Variants in DNAH8 observed in about 807,000 individuals in gnomAD.
The protein encoded by DNAH8 is axonemal beta dynein heavy chain 8.
A neutral mutation model predicts 562.1 loss-of-function variants in DNAH8; 382 were observed. The ratio of observed to expected loss-of-function variants is 0.68; its 90% CI spans 0.63 to 0.74. The LOEUF (loss-of-function observed/expected upper bound fraction) is 0.74, where lower values mean the gene tolerates loss of function less well. DNAH8 is among the 30% of genes least tolerant of loss of function. DNAH8 has a pLI of 0.00. For synonymous variants in DNAH8, 1,881 were observed against 1,919.4 expected, an observed-to-expected ratio of 0.98 and a Z score of 0.52; for missense variants, 5,203 against 5,620.4, an observed-to-expected ratio of 0.93 and a Z score of 2.37.
chr6:38,784,370 G>T (rs1768939174), intron 17 of DNAH8, among the ~76,000 whole-genome samples: 1 of 152,072 alleles, frequency 6.6e-6, no homozygotes, highest in African/African-American at 2.4e-5. Flanking sequence ...TTTTTCTCCT[G>T]GTGGTTTTTC....
At chr6:39,016,821 C>T (rs974093577) in intron 91 of DNAH8, among the ~76,000 whole-genome samples, 1 of 152,150 alleles carries the variant, frequency 6.6e-6, no homozygotes, top group African/African-American at 2.4e-5. Context: ...CTTTGAGGTC[C>T]GTGCTACCTC....
At chr6:38,726,147 T>G (rs970239932) in intron 3 of DNAH8, among the ~76,000 whole-genome samples, 4 of 152,208 alleles carry the variant, frequency 2.6e-5, no homozygotes, top group African/African-American at 7.2e-5. Flanking sequence ...GGAAGCCAGA[T>G]GAGTGATCAA....
At chr6:38,923,952 G>T in intron 72 of DNAH8, 39 bp from the exon 73 acceptor site, 1 of 1,608,608 alleles carries the variant, frequency 6.2e-7, no homozygotes, top group South Asian at 1.1e-5. Context: ...AATGTCAGGT[G>T]ACTCACTTTG....
intron 87 of DNAH8, among the ~76,000 whole-genome samples, chr6:38,987,779 T>C: frequency 6.6e-6 from 1 of 152,184 alleles, no homozygotes; most frequent in East Asian, 1.9e-4. Flanking sequence ...TCCAACCTCC[T>C]GTCTTGTTGC....
At chr6:38,752,320 T>C (rs1765536435) in intron 9 of DNAH8, among the ~76,000 whole-genome samples, 2 of 152,274 alleles carry the variant, frequency 1.3e-5, no homozygotes, top group East Asian at 1.9e-4. Flanking sequence ...CATGCCACCA[T>C]GCCCGGCTAA....
rs1021375679 is a variant in DNAH8 at position 38,883,539 on chromosome 6, A to T, written c.8136+83A>T. ...ACAATAAAATGTGTACGCATATAAA[A>T]TGTGAAAATATTATATATTCAAAAG... On this transcript the variant is annotated intron_variant, in intron 55 of 92. Transcript: ENST00000327475. The T allele has an allele frequency of 4.5e-6, 6 of 1,341,068 alleles. No homozygotes were observed. In the African/African-American group the frequency reaches 9.0e-5, roughly 20 times the overall value. The allele number at this position is 1,341,068 out of a possible 1,614,324, so 83.1% of individuals were successfully genotyped here.
chr6:38,812,815 G>A (rs1238916397), intron 24 of DNAH8, among the ~76,000 whole-genome samples: 1 of 152,018 alleles, frequency 6.6e-6, no homozygotes, highest in Non-Finnish European at 1.5e-5. Context: ...TTCACGTGCC[G>A]TATCTAGGTA....
chr6:38,741,679 T>C, intron 7 of DNAH8, 32 bp from the exon 8 acceptor site: 2 of 1,538,818 alleles, frequency 1.3e-6, no homozygotes, highest in Non-Finnish European at 1.8e-6. Context: ...GAATGTAACA[T>C]TTCTATATTT....
chr6:39,028,054 C>T (rs1365824935), intron 92 of DNAH8, among the ~76,000 whole-genome samples: 2 of 152,130 alleles, frequency 1.3e-5, no homozygotes, highest in African/African-American at 4.8e-5. Flanking sequence ...CCTTCAGTTT[C>T]CAGTATTATC....
chr6:38,758,238 C>T (rs1363399932), intron 10 of DNAH8, among the ~76,000 whole-genome samples: 2 of 151,874 alleles, frequency 1.3e-5, no homozygotes, highest in East Asian at 3.9e-4. Flanking sequence ...CGAAGAGGTC[C>T]TTCACATCCC....
At chr6:38,785,904 A>G (rs952101127) in intron 17 of DNAH8, among the ~76,000 whole-genome samples, 13 of 152,246 alleles carry the variant, frequency 8.5e-5, no homozygotes, top group African/African-American at 2.4e-4. Context: ...TCAAAGAGAT[A>G]TACAAACTAT....
chr6:38,853,314 A>G lies in DNAH8; in HGVS notation c.5700A>G (p.Gln1900=). The G allele has an allele frequency of 1.9e-6, 3 of 1,613,502 alleles. No individual in the cohort carries two copies. Among genetic ancestry groups the G allele is most frequent in the Non-Finnish European group, 2.5e-6 (3 of 1,179,782 alleles). Residue 1900 remains glutamine, a synonymous_variant, in exon 41 of 93, where the codon CAA becomes CAG. Transcript: ENST00000327475. ...AFYQISDSGF[Q]LLPFLSHFPA... ...ATCAAATCAGTGATTCAGGATTTCA[A>G]CTCTTACCATTCCTCAGCCACTTTC...
At chr6:38,788,963 A>G (rs1281165192) in intron 18 of DNAH8, among the ~76,000 whole-genome samples, 1 of 152,122 alleles carries the variant, frequency 6.6e-6, no homozygotes, top group Non-Finnish European at 1.5e-5. Context: ...TAACGTTGGT[A>G]TTGTGGAAAC....
At chr6:38,830,655 A>G (rs1234903173) in intron 30 of DNAH8, among the ~76,000 whole-genome samples, 1 of 146,536 alleles carries the variant, frequency 6.8e-6, no homozygotes, top group African/African-American at 2.6e-5. Flanking sequence ...AAAAAAAAAA[A>G]AAGACCTCCA....
intron 60 of DNAH8, among the ~76,000 whole-genome samples, chr6:38,897,357 G>A (rs1416116930): frequency 6.6e-6 from 1 of 152,152 alleles, no homozygotes; most frequent in Non-Finnish European, 1.5e-5. Context: ...GACTGAATGG[G>A]CCTTAAAGCC....
chr6:38,908,958 T>A (rs1320736855), intron 64 of DNAH8, among the ~76,000 whole-genome samples: 1 of 152,174 alleles, frequency 6.6e-6, no homozygotes, highest in East Asian at 1.9e-4. Flanking sequence ...TATTGACAGC[T>A]CTGCTCTAGG....
intron 8 of DNAH8, among the ~76,000 whole-genome samples, chr6:38,749,382 G>A (rs930370096): frequency 3.3e-5 from 5 of 152,024 alleles, no homozygotes; most frequent in Admixed American, 1.3e-4. Context: ...GGGGGTCAGC[G>A]GGGAAAGGGG....
intron 81 of DNAH8, among the ~76,000 whole-genome samples, chr6:38,950,596 C>A (rs1046663251): frequency 6.6e-6 from 1 of 151,886 alleles, no homozygotes; most frequent in African/African-American, 2.4e-5. Context: ...CCTGCCACCA[C>A]GCCCGGCTAA....
intron 48 of DNAH8, among the ~76,000 whole-genome samples, chr6:38,869,020 C>A (rs1430047228): frequency 6.6e-6 from 1 of 152,138 alleles, no homozygotes; most frequent in African/African-American, 2.4e-5. Flanking sequence ...GTTCATGTGA[C>A]ATATAAGGAT....
Sources: allele counts gnomAD v4.1 joint callset (sites outside exome capture counted in the v4.1 genomes callset), GRCh38; gene constraint gnomAD v4.1.1; transcripts MANE v1.5; gene names NCBI Gene and HGNC (gene_info 2026-07-23, HGNC 2026-07-21).